The following SRD5A2 variants were observed in gnomAD, a reference collection of about 807,000 sequenced individuals.
The protein encoded by SRD5A2 is steroid 5 alpha-reductase 2.
A neutral mutation model predicts 27.4 loss-of-function variants in SRD5A2; 30 were observed. The ratio of observed to expected loss-of-function variants is 1.10; its 90% CI spans 0.82 to 1.49. The LOEUF (loss-of-function observed/expected upper bound fraction) is 1.49. SRD5A2 is among the 40% of genes most tolerant of loss of function. The pLI, the probability that SRD5A2 is intolerant of heterozygous loss-of-function variation, is 0.00. For missense variants in SRD5A2, 348 were observed against 323.4 expected, an observed-to-expected ratio of 1.08 and a Z score of -0.58; for synonymous variants, 141 against 133.6, an observed-to-expected ratio of 1.06 and a Z score of -0.38.
At chr2:31,631,006 G>A in the SRD5A2 span, among the ~76,000 whole-genome samples, 1 of 152,184 alleles carries the variant, frequency 6.6e-6, no homozygotes, top group Non-Finnish European at 1.5e-5. Flanking sequence ...CTGCTCAAAC[G>A]TGCGTGCAAG....
At chr2:31,604,760 C>T in the SRD5A2 span, among the ~76,000 whole-genome samples, 52 of 151,830 alleles carry the variant, frequency 3.4e-4, no homozygotes, top group Middle Eastern at 6.8e-3. Context: ...CAATGCGATT[C>T]GTGTCAAAAT....
chr2:31,608,028 C>T, the SRD5A2 span, among the ~76,000 whole-genome samples: 1 of 152,140 alleles, frequency 6.6e-6, no homozygotes, highest in South Asian at 2.1e-4. Flanking sequence ...CTGTTGGCAC[C>T]TTGACCTTTG....
chr2:31,545,023 G>C lies in SRD5A2; in HGVS notation c.282-11257C>G, dbSNP rs150989570. 5.1e-3 allele frequency among the ~76,000 whole-genome samples: 773 copies of C among 151,104 alleles called. 6 individuals carry two copies. The highest frequency in any genetic ancestry group is 0.018 in the African/African-American group (724 of 41,226). ...CATAAAGAAATAGAAAATTTGAAAAGACTTATAACTAGTAAGGAGATTACA... is the reference window on the plus strand; with the variant it reads ...CATAAAGAAATAGAAAATTTGAAAACACTTATAACTAGTAAGGAGATTACA... On this transcript the variant is annotated intron_variant, in intron 1 of 4. Coordinates refer to ENST00000622030, the MANE Select transcript of SRD5A2 (RefSeq NM_000348.4).
chr2:31,550,193 G>A (rs1438027580), intron 1 of SRD5A2, among the ~76,000 whole-genome samples: 2 of 151,768 alleles, frequency 1.3e-5, no homozygotes, highest in Non-Finnish European at 2.9e-5. Context: ...ATTCATCTTT[G>A]TTTTTTGTAA....
the SRD5A2 span, among the ~76,000 whole-genome samples, chr2:31,628,821 AT>A: frequency 2.0e-5 from 3 of 152,202 alleles, no homozygotes; most frequent in Middle Eastern, 3.4e-3. Context: ...TGTTAGTGTT[AT>A]GGGGTTCCCT....
chr2:31,648,633 T>C, the SRD5A2 span, among the ~76,000 whole-genome samples: 1 of 152,192 alleles, frequency 6.6e-6, no homozygotes, highest in East Asian at 1.9e-4. Flanking sequence ...CTGCTTCCTC[T>C]TAAAAGAAAA....
At chr2:31,529,270 G>C in intron 4 of SRD5A2, 37 bp downstream of exon 4, 1 of 1,611,844 alleles carries the variant, frequency 6.2e-7, no homozygotes, top group Non-Finnish European at 8.5e-7. Context: ...GAAGAAGAAA[G>C]CTACGTGAAT....
the SRD5A2 span, among the ~76,000 whole-genome samples, chr2:31,661,391 G>C: frequency 6.6e-6 from 1 of 152,114 alleles, no homozygotes; most frequent in Non-Finnish European, 1.5e-5. Context: ...CAGTAAGCCT[G>C]CCAGACCTTG....
rs74973308 is a variant in SRD5A2, at chr2:31,572,635, C to A, written c.281+7985G>T. Among the ~76,000 whole-genome samples, 1,015 of 152,206 alleles carry A rather than the reference C, an allele frequency of 6.7e-3. 14 individuals carry two copies. The highest frequency in any genetic ancestry group is 0.023 in the African/African-American group (937 of 41,534). On this transcript the variant is annotated intron_variant, in intron 1 of 4. Coordinates refer to ENST00000622030, the MANE Select transcript of SRD5A2 (RefSeq NM_000348.4). ...TACACTAGAACTTAGATTTGTTTAT[C>A]ACATGAGTAACTTTTGGCAAGTAAA...
At chr2:31,610,324 T>C in the SRD5A2 span, among the ~76,000 whole-genome samples, 2 of 152,152 alleles carry the variant, frequency 1.3e-5, no homozygotes, top group African/African-American at 4.8e-5. Flanking sequence ...CAACATCATT[T>C]ACCATTATCA....
intron 1 of SRD5A2, among the ~76,000 whole-genome samples, chr2:31,547,906 C>CAGATAT (rs1200013585): frequency 2.6e-5 from 4 of 152,106 alleles, no homozygotes. Flanking sequence ...TAGATAGATA[C>CAGATAT]AGATATAGAT....
the SRD5A2 span, among the ~76,000 whole-genome samples, chr2:31,624,178 C>G: frequency 6.6e-6 from 1 of 151,960 alleles, no homozygotes; most frequent in Non-Finnish European, 1.5e-5. Context: ...TGCATAATCA[C>G]ATCACATAAA....
the SRD5A2 span, among the ~76,000 whole-genome samples, chr2:31,630,493 G>A: frequency 6.6e-6 from 1 of 152,214 alleles, no homozygotes; most frequent in African/African-American, 2.4e-5. Context: ...TGTTGTCAGT[G>A]TAAACAAGGG....
the SRD5A2 span, among the ~76,000 whole-genome samples, chr2:31,649,179 C>G: frequency 6.6e-6 from 1 of 152,170 alleles, no homozygotes; most frequent in Non-Finnish European, 1.5e-5. Flanking sequence ...TTTTAAACAG[C>G]CGCTAGCTAT....
chr2:31,628,271 T>G, the SRD5A2 span, among the ~76,000 whole-genome samples: 1 of 152,150 alleles, frequency 6.6e-6, no homozygotes, highest in African/African-American at 2.4e-5. Context: ...AGTCTGTTTC[T>G]TCTGAAATTA....
chr2:31,526,362 A>C (rs568852995), intron 4 of SRD5A2, 100 bp from the exon 5 acceptor site: 5 of 763,428 alleles, frequency 6.5e-6, no homozygotes, highest in Non-Finnish European at 1.1e-5. Context: ...ACCTACAGTT[A>C]TTTTGGGCCT....
At chr2:31,555,640 G>T (rs1666479689) in intron 1 of SRD5A2, among the ~76,000 whole-genome samples, 1 of 152,152 alleles carries the variant, frequency 6.6e-6, no homozygotes, top group African/African-American at 2.4e-5. Flanking sequence ...TGGAACCACT[G>T]CATTGATCTG....
At chr2:31,623,508 G>A in the SRD5A2 span, among the ~76,000 whole-genome samples, 2 of 152,064 alleles carry the variant, frequency 1.3e-5, no homozygotes, top group African/African-American at 2.4e-5. Flanking sequence ...GTCATTTGGA[G>A]GAGAAGAGGC....
the SRD5A2 span, among the ~76,000 whole-genome samples, chr2:31,606,468 G>A: frequency 6.6e-5 from 10 of 151,828 alleles, no homozygotes; most frequent in Non-Finnish European, 1.3e-4. Flanking sequence ...GGTAGAGAGT[G>A]AAGTCTGGGG....
Sources: allele counts gnomAD v4.1 joint callset (sites outside exome capture counted in the v4.1 genomes callset), GRCh38; gene constraint gnomAD v4.1.1; transcripts MANE v1.5; gene names NCBI Gene and HGNC (gene_info 2026-07-23, HGNC 2026-07-21).